The following PRKDC variants were observed in gnomAD, a reference collection of about 807,000 sequenced individuals.
PRKDC encodes DNA-dependent protein kinase catalytic subunit.
A neutral mutation model predicts 486.9 loss-of-function variants in PRKDC; 82 were observed. That is an observed-to-expected ratio of 0.17 (90% CI 0.14 to 0.20). PRKDC has a LOEUF of 0.20. Among genes scored for constraint, PRKDC ranks in the 10% least tolerant of loss-of-function variants. The pLI, the probability that PRKDC is intolerant of heterozygous loss-of-function variation, is 1.00. For synonymous variants in PRKDC, 1,895 were observed against 1,837.0 expected (o/e 1.03, Z -0.81); for missense variants, 4,504 against 5,038.2 (o/e 0.89, Z 3.21).
At chr8:47,915,629 C>T (rs1394652192) in intron 22 of PRKDC, among the ~76,000 whole-genome samples, 1 of 152,176 alleles carries the variant, frequency 6.6e-6, no homozygotes, top group Admixed American at 6.6e-5. Flanking sequence ...GTATTAATGA[C>T]ATTAGAAATT....
intron 7 of PRKDC, among the ~76,000 whole-genome samples, chr8:47,945,001 G>A (rs1589811792): frequency 3.3e-5 from 5 of 152,208 alleles, no homozygotes; most frequent in Admixed American, 3.3e-4. Context: ...TCCAGATATG[G>A]TAGCATTTGT....
intron 48 of PRKDC, 129 bp from the exon 49 acceptor site, chr8:47,857,428 G>T: frequency 2.0e-6 from 2 of 995,386 alleles, no homozygotes; most frequent in Non-Finnish European, 2.9e-6. Context: ...AGCGAGGTAA[G>T]CACGTTAAAG....
intron 63 of PRKDC, 40 bp from the exon 64 acceptor site, chr8:47,824,036 C>T (rs1280189033): frequency 2.0e-6 from 3 of 1,470,142 alleles, no homozygotes; most frequent in Admixed American, 2.2e-5. Context: ...ATGAACACTC[C>T]AGTATTTTAA....
rs370582185 is a variant in PRKDC at position 47,935,831 on chromosome 8, T to C, written c.1348A>G (p.Ser450Gly). ...VMQIDSFPQY[S>G]PKMQLVCCRA... ...CAACACACCAGCTGCATTTTTGGAC[T>C]GTACTGTGGGAAACTGTCTATCTGC... The change falls in exon 13 of 86, where the codon AGT becomes GGT. Residue 450 changes from serine (S) to glycine (G), a missense_variant. Around this residue, in one of 6 missense-constraint regions of PRKDC, gnomAD observed 1,969 missense variants for 2,068.9 expected, o/e 0.95. Transcript: ENST00000314191. 4 of 1,614,020 alleles carry C rather than the reference T, an allele frequency of 2.5e-6. No individual in the cohort carries two copies. In the Admixed American group the frequency reaches 5.0e-5, roughly 20 times the overall value.
At chr8:47,792,068 T>C (rs913778900) in intron 74 of PRKDC, among the ~76,000 whole-genome samples, 4 of 152,074 alleles carry the variant, frequency 2.6e-5, no homozygotes, top group African/African-American at 4.8e-5. Context: ...CTGAAGGACA[T>C]TATGTGAAAT....
chr8:47,884,232 C>T (rs1210149843), intron 36 of PRKDC, among the ~76,000 whole-genome samples: 1 of 152,216 alleles, frequency 6.6e-6, no homozygotes, highest in Non-Finnish European at 1.5e-5. Flanking sequence ...ATCAGACCCC[C>T]AGCAGCAGAG....
At position 47,877,979 on chromosome 8, in the gene PRKDC, C is replaced by T. The variant is rs2089125250; in HGVS notation, c.5236-128G>A. The T allele has an allele frequency of 6.0e-6, 4 of 669,124 alleles. No homozygotes were observed. In the East Asian group the frequency reaches 1.2e-4, roughly 20 times the overall value. The allele number at this position is 669,124 out of a possible 1,614,324, so 41.4% of individuals were successfully genotyped here. A position where few individuals can be genotyped will look rare whatever the true frequency, so the allele number is the denominator to read the frequency against. On this transcript the variant is annotated intron_variant, in intron 39 of 85. Coordinates refer to ENST00000314191, the MANE Select transcript of PRKDC (RefSeq NM_006904.7). ...AAAATATAACATACAGAAAAATACA[C>T]CAGAATTTCACAGACTTAACAAATA...
In PRKDC at chr8:47,846,011, C is replaced by T. The variant is rs149869160; in HGVS notation, c.7280+3143G>A. On this transcript the variant is annotated intron_variant, in intron 54 of 85. Transcript: ENST00000314191. ...TCAAGTGTGCTTTATTCCTAGAATG[C>T]GAGGTTGGTTCAACATACACAAATC... 5.2e-3 allele frequency among the ~76,000 whole-genome samples: 793 copies of T among 152,226 alleles called. 12 individuals are homozygous for T. Among genetic ancestry groups the T allele is most frequent in the African/African-American group, 0.018 (766 of 41,534 alleles).
At chr8:47,860,822 CTATT>C (rs2088661014) in intron 45 of PRKDC, 73 bp downstream of exon 45, 1 of 1,109,710 alleles carries the variant, frequency 9.0e-7, no homozygotes, top group Non-Finnish European at 1.3e-6. Flanking sequence ...CTTTACTCCT[CTATT>C]TGTCTTAGAA....
intron 25 of PRKDC, among the ~76,000 whole-genome samples, chr8:47,905,747 T>C (rs1008953498): frequency 6.6e-6 from 1 of 152,172 alleles, no homozygotes; most frequent in Non-Finnish European, 1.5e-5. Flanking sequence ...AAAACCTCTA[T>C]GGAGATAGGA....
chr8:47,836,553 A>G, intron 57 of PRKDC, 26 bp from the exon 58 acceptor site: 1 of 1,539,900 alleles, frequency 6.5e-7, no homozygotes. Flanking sequence ...TTTCAAATGA[A>G]ATAAAGTTTC....
Position 47,820,798 on chromosome 8 carries a change from A to T in PRKDC, c.9257T>A (p.Leu3086Gln). 1 of 1,612,556 alleles carries T rather than the reference A, an allele frequency of 6.2e-7. No homozygotes were observed. Among genetic ancestry groups the T allele is most frequent in the Non-Finnish European group, 8.5e-7 (1 of 1,179,028 alleles). ...AILELHYSQE[L>Q]SLLYLLQDDV... ...ATCTTGCAGGAGGTAAAGCAGACTC[A>T]GCTCTTGACTGTAATGAAGCTCTAG... The change falls in exon 66 of 86, where the codon CTG becomes CAG. Residue 3086 changes from leucine (L) to glutamine (Q), a missense_variant. Transcript: ENST00000314191.
At chr8:47,831,788 G>A in intron 60 of PRKDC, 26 bp downstream of exon 60, 1 of 1,604,804 alleles carries the variant, frequency 6.2e-7, no homozygotes, top group East Asian at 2.2e-5. Context: ...GCATCGTTCT[G>A]ATCAAATTCT....
chr8:47,795,431 G>A (rs185952023), intron 73 of PRKDC, among the ~76,000 whole-genome samples: 10 of 148,754 alleles, frequency 6.7e-5, no homozygotes, highest in Admixed American at 2.7e-4. Flanking sequence ...CCTCGTGATC[G>A]GCCCACCTCG....
intron 25 of PRKDC, among the ~76,000 whole-genome samples, chr8:47,908,836 AATTT>A (rs2089841951): frequency 6.6e-6 from 1 of 152,192 alleles, no homozygotes; most frequent in South Asian, 2.1e-4. Flanking sequence ...ATTTTTCTGT[AATTT>A]ATTTATAGTT....
In PRKDC at chr8:47,776,929, C is replaced by G. The variant is rs763862282; in HGVS notation, c.12097G>C (p.Val4033Leu). The change falls in exon 85 of 86, where the codon GTT becomes CTT. Residue 4033 changes from valine (V) to leucine (L), a missense_variant. This residue lies in a region of PRKDC where 706 missense variants were observed against 945.0 expected (regional missense o/e 0.75). Transcript: ENST00000314191. Reference protein sequence around the residue: ...KGGSWIQEINVAEKNWYPRQK... With the variant: ...KGGSWIQEINLAEKNWYPRQK... ...CGGGGGTACCAATTTTTTTCAGCAACATTTATTTCTTGAATCCATGACCCT... is the reference window on the plus strand; with the variant it reads ...CGGGGGTACCAATTTTTTTCAGCAAGATTTATTTCTTGAATCCATGACCCT... The G allele has an allele frequency of 6.2e-7, 1 of 1,613,672 alleles. No individual in the cohort carries two copies. Among genetic ancestry groups the G allele is most frequent in the Non-Finnish European group, 8.5e-7 (1 of 1,179,814 alleles).
Position 47,888,509 on chromosome 8 carries a change from T to TA in PRKDC, c.4413+8dup. On this transcript the variant is annotated intron_variant, in intron 34 of 85. Coordinates refer to ENST00000314191, the MANE Select transcript of PRKDC (RefSeq NM_006904.7). ...TAAAATAAATGTAAAAACAATAAGT[T>TA]ATAGTTACCTGAGACGGTAATATAT... 1.3e-6 allele frequency: 2 copies of TA among 1,517,422 alleles called. No homozygotes were observed. 94.0% of individuals were successfully genotyped at this position (1,517,422 alleles called of 1,614,324 possible).
rs752823972 is a variant in PRKDC at position 47,857,308 on chromosome 8, G to C, written c.6466-9C>G. 1 of 1,597,128 alleles carries C rather than the reference G, an allele frequency of 6.3e-7. No homozygotes were observed. The highest frequency in any genetic ancestry group is 8.5e-7 in the Non-Finnish European group (1 of 1,173,398). On this transcript the variant is annotated splice_polypyrimidine_tract_variant and intron_variant, in intron 48 of 85. Transcript: ENST00000314191. Reference sequence around the variant, plus strand: ...GCGTAAGGGCGAAAGACCTACAAGAGGATGTAAAAGTCAAACATCAAAGAA... The same window carrying C: ...GCGTAAGGGCGAAAGACCTACAAGACGATGTAAAAGTCAAACATCAAAGAA...
intron 78 of PRKDC, among the ~76,000 whole-genome samples, chr8:47,783,255 C>A (rs1336115529): frequency 1.4e-5 from 2 of 138,670 alleles, no homozygotes; most frequent in Non-Finnish European, 3.0e-5. Flanking sequence ...TCCAGCCTGG[C>A]TGACAGAATG....
Sources: gnomAD v4.1 joint callset for allele counts (sites outside exome capture counted in the v4.1 genomes callset) on GRCh38, gnomAD v4.1.1 for gene constraint, gnomAD v4.1.1 regional missense constraint, MANE v1.5 for transcripts, NCBI Gene and HGNC (gene_info 2026-07-23, HGNC 2026-07-21) for gene names.